The following SIMC1 variants were observed in gnomAD, a reference collection of about 807,000 sequenced individuals.
SIMC1 encodes the protein SUMO interacting motifs containing 1.
A neutral mutation model predicts 82.3 loss-of-function variants in SIMC1; 55 were observed. That is an observed-to-expected ratio of 0.67 (90% CI 0.54 to 0.84). The LOEUF is 0.84. SIMC1 is among the 40% of genes least tolerant of loss of function. The probability of loss-of-function intolerance (pLI) is 0.00; values close to 1 mark genes in which losing one functional copy is unlikely to be tolerated. For missense variants in SIMC1, 915 were observed against 1,107.2 expected (o/e 0.83, Z 2.46); for synonymous variants, 353 against 426.3 (o/e 0.83, Z 2.12).
intron 1 of SIMC1, among the ~76,000 whole-genome samples, chr5:176,273,719 T>A (rs1479960596): frequency 6.6e-6 from 1 of 152,150 alleles, no homozygotes; most frequent in Non-Finnish European, 1.5e-5. Context: ...GTGTTCTCAT[T>A]GTTCAATTCC....
chr5:176,305,060 C>G (rs10059721), intron 4 of SIMC1, among the ~76,000 whole-genome samples: 36 of 115,138 alleles, frequency 3.1e-4, no homozygotes, highest in African/African-American at 1.2e-3. Flanking sequence ...TGAGGAGCGT[C>G]TCCGCCCGGC....
intron 1 of SIMC1, among the ~76,000 whole-genome samples, chr5:176,246,407 GGTGTGTGTGTGT>G (rs57262987): frequency 1.9e-3 from 265 of 137,056 alleles, no homozygotes; most frequent in South Asian, 6.1e-3. Context: ...ATAGTTCAGG[GGTGTGTGTGTGT>G]GTGTGTGTGT....
intron 1 of SIMC1, among the ~76,000 whole-genome samples, chr5:176,252,827 C>T (rs2113125367): frequency 6.6e-6 from 1 of 152,314 alleles, no homozygotes; most frequent in South Asian, 2.1e-4. Flanking sequence ...GAGATCATGC[C>T]ACTGCACTCC....
At chr5:176,336,418 A>G (rs1218226805) in intron 7 of SIMC1, among the ~76,000 whole-genome samples, 1 of 152,208 alleles carries the variant, frequency 6.6e-6, no homozygotes, top group African/African-American at 2.4e-5. Context: ...TTGGCACATC[A>G]TTGGCATTCA....
chr5:176,297,318 TG>T (rs1763857076), intron 4 of SIMC1, among the ~76,000 whole-genome samples: 1 of 152,084 alleles, frequency 6.6e-6, no homozygotes, highest in South Asian at 2.1e-4. Flanking sequence ...CTGCCCAACA[TG>T]GAGAAACCCT....
chr5:176,328,864 A>G (rs1268705562), intron 7 of SIMC1, among the ~76,000 whole-genome samples: 1 of 152,152 alleles, frequency 6.6e-6, no homozygotes, highest in East Asian at 1.9e-4. Flanking sequence ...GTAATTAATC[A>G]ATAAAAATGG....
intron 4 of SIMC1, among the ~76,000 whole-genome samples, chr5:176,301,293 A>G (rs958223929): frequency 2.0e-5 from 3 of 152,188 alleles, no homozygotes; most frequent in African/African-American, 7.2e-5. Flanking sequence ...GAGTTCCCCT[A>G]CACAAGCTCT....
chr5:176,329,519 G>A (rs1268953149), intron 7 of SIMC1, among the ~76,000 whole-genome samples: 5 of 135,110 alleles, frequency 3.7e-5, no homozygotes, highest in East Asian at 2.2e-4. Flanking sequence ...AAAAAAAAAT[G>A]TATAGCTATT....
At chr5:176,298,275 CAA>C (rs200671507) in intron 4 of SIMC1, among the ~76,000 whole-genome samples, 1 of 152,212 alleles carries the variant, frequency 6.6e-6, no homozygotes, top group African/African-American at 2.4e-5. Flanking sequence ...GGGCCAGAAA[CAA>C]AAGAGTGGAC....
intron 4 of SIMC1, among the ~76,000 whole-genome samples, chr5:176,307,321 G>C (rs1186557952): frequency 1.3e-5 from 2 of 152,150 alleles, no homozygotes; most frequent in Non-Finnish European, 2.9e-5. Flanking sequence ...CTCTTTTACA[G>C]GACTGTGAAT....
intron 4 of SIMC1, among the ~76,000 whole-genome samples, chr5:176,310,386 C>T (rs1040072928): frequency 5.3e-5 from 8 of 152,042 alleles, no homozygotes; most frequent in African/African-American, 1.9e-4. Context: ...TTGTAATAGC[C>T]CCAAACTGGA....
chr5:176,291,330 A>ATT (rs70991527), intron 2 of SIMC1, among the ~76,000 whole-genome samples: 40 of 71,598 alleles, frequency 5.6e-4, no homozygotes, highest in East Asian at 2.6e-3. Flanking sequence ...TGCCCGGCTA[A>ATT]TTTTTTTTTT....
intron 5 of SIMC1, among the ~76,000 whole-genome samples, chr5:176,320,159 G>A (rs182729742): frequency 1.3e-5 from 2 of 152,218 alleles, no homozygotes; most frequent in East Asian, 3.9e-4. Context: ...CATTCAGCAT[G>A]CCTATGTTCA....
At chr5:176,283,544 G>C (rs111739825) in intron 1 of SIMC1, among the ~76,000 whole-genome samples, 21,979 of 152,148 alleles carry the variant, frequency 0.14, 1,598 homozygotes, top group Middle Eastern at 0.21. Context: ...TGGAAAGGAA[G>C]AACCGTTAGC....
intron 5 of SIMC1, among the ~76,000 whole-genome samples, chr5:176,320,623 G>A (rs187656842): frequency 6.6e-6 from 1 of 152,262 alleles, no homozygotes; most frequent in Non-Finnish European, 1.5e-5. Flanking sequence ...GCCCACTGCA[G>A]CTTCCCAAAG....
At chr5:176,242,825 A>G (rs1169975706) in intron 1 of SIMC1, among the ~76,000 whole-genome samples, 12 of 152,164 alleles carry the variant, frequency 7.9e-5, no homozygotes, top group East Asian at 5.8e-4. Context: ...GAATACATCT[A>G]TGAAAACCAA....
chr5:176,341,214 C>T (rs1766124160), intron 9 of SIMC1, among the ~76,000 whole-genome samples: 1 of 152,106 alleles, frequency 6.6e-6, no homozygotes, highest in Non-Finnish European at 1.5e-5. Flanking sequence ...AAGAGTTTTC[C>T]AGAAAGAAGG....
At chr5:176,304,911 G>A (rs199502594) in intron 4 of SIMC1, among the ~76,000 whole-genome samples, 74,398 of 131,218 alleles carry the variant, frequency 0.57, 21,151 homozygotes, top group Non-Finnish European at 0.59. Flanking sequence ...GTCTCTGCCC[G>A]GCCGCCCCGT....
At chr5:176,308,100 A>G in intron 4 of SIMC1, 1 of 796,780 alleles carries the variant, frequency 1.3e-6, no homozygotes, top group East Asian at 2.6e-5. Context: ...CAGGCAGTTC[A>G]TCTAGAGTCT....
Sources: allele counts gnomAD v4.1 joint callset (sites outside exome capture counted in the v4.1 genomes callset), GRCh38; gene constraint gnomAD v4.1.1; transcripts MANE v1.5; gene names NCBI Gene and HGNC (gene_info 2026-07-23, HGNC 2026-07-21).